The following MACROD2 variants were observed in gnomAD, a reference collection of about 807,000 sequenced individuals.
MACROD2 encodes mono-ADP ribosylhydrolase 2.
A neutral mutation model predicts 70.4 loss-of-function variants in MACROD2; 36 were observed. The ratio of observed to expected loss-of-function variants is 0.51; its 90% confidence interval spans 0.39 to 0.68. MACROD2 has a LOEUF of 0.68. Among genes scored for constraint, MACROD2 ranks in the 30% least tolerant of loss-of-function variants. The pLI is 0.00. For synonymous variants in MACROD2, 172 were observed against 178.8 expected, an observed-to-expected ratio of 0.96 and a Z score of 0.30; for missense variants, 496 against 538.4, an observed-to-expected ratio of 0.92 and a Z score of 0.78.
At chr20:14,912,800 A>C (rs2074043659) in intron 5 of MACROD2, among the ~76,000 whole-genome samples, 1 of 152,168 alleles carries the variant, frequency 6.6e-6, no homozygotes, top group Non-Finnish European at 1.5e-5. Flanking sequence ...ACAAGCTTAC[A>C]AACTTGGGTC....
At chr20:14,222,356 G>T (rs1171190097) in intron 3 of MACROD2, among the ~76,000 whole-genome samples, 1 of 152,092 alleles carries the variant, frequency 6.6e-6, no homozygotes, top group Non-Finnish European at 1.5e-5. Context: ...AGAACTAGAG[G>T]CCATTGTCTT....
intron 3 of MACROD2, among the ~76,000 whole-genome samples, chr20:14,456,713 CTTTT>C (rs10696382): frequency 9.9e-6 from 1 of 101,132 alleles, no homozygotes; most frequent in Admixed American, 1.3e-4. Flanking sequence ...GACTCAGGAT[CTTTT>C]TTTTTTTTTT....
chr20:15,418,356 C>T (rs962672815), intron 6 of MACROD2, among the ~76,000 whole-genome samples: 2 of 152,160 alleles, frequency 1.3e-5, no homozygotes, highest in Non-Finnish European at 2.9e-5. Context: ...CTCCTAACAA[C>T]TGTTCAGTTT....
chr20:14,132,595 G>A (rs778505505), intron 3 of MACROD2, among the ~76,000 whole-genome samples: 1 of 151,896 alleles, frequency 6.6e-6, no homozygotes, highest in Non-Finnish European at 1.5e-5. Context: ...AATTACTTAG[G>A]GTTCTATTTG....
intron 5 of MACROD2, among the ~76,000 whole-genome samples, chr20:14,795,748 A>G (rs1187258209): frequency 6.6e-6 from 1 of 152,078 alleles, no homozygotes. Context: ...GGATATGTTC[A>G]CTTGCAGAGA....
chr20:15,775,001 A>C (rs2051697116), intron 8 of MACROD2, among the ~76,000 whole-genome samples: 1 of 152,116 alleles, frequency 6.6e-6, no homozygotes, highest in South Asian at 2.1e-4. Flanking sequence ...TTTGTTTCTC[A>C]TAAAGGGTTG....
rs5840625 is a variant in MACROD2, at chr20:14,573,578, A to ATT, written c.301+80079_301+80080dup. Among the ~76,000 whole-genome samples, 308 of 150,610 alleles carry ATT rather than the reference A, an allele frequency of 2.0e-3. 1 individual carries two copies. The highest frequency in any genetic ancestry group is 3.8e-3 in the Non-Finnish European group (260 of 67,608). On this transcript the variant is annotated intron_variant, in intron 4 of 17. Coordinates refer to ENST00000684519, the MANE Select transcript of MACROD2 (RefSeq NM_001351661.2). ...GATTAGGCCTTAGAGAAAAGATATT[A>ATT]TTTTTTTTTTCAGATATACTTGTCA...
At chr20:14,615,112 T>TG (rs1983400245) in intron 4 of MACROD2, among the ~76,000 whole-genome samples, 1 of 152,094 alleles carries the variant, frequency 6.6e-6, no homozygotes, top group African/African-American at 2.4e-5. Flanking sequence ...ACAGGAGCTC[T>TG]GGGGCTGGGG....
intron 6 of MACROD2, among the ~76,000 whole-genome samples, chr20:15,259,836 A>C (rs544191177): frequency 1.3e-5 from 2 of 151,820 alleles, no homozygotes; most frequent in East Asian, 3.9e-4. Context: ...GGGAGCAACC[A>C]CAATTTCTGT....
chr20:16,034,515 A>T (rs887759477), intron 15 of MACROD2, among the ~76,000 whole-genome samples: 1 of 152,022 alleles, frequency 6.6e-6, no homozygotes, highest in Non-Finnish European at 1.5e-5. Context: ...GCCTTCTTCC[A>T]TCCGAGCTTG....
chr20:15,894,516 G>C (rs532451757), intron 10 of MACROD2, among the ~76,000 whole-genome samples: 1 of 152,296 alleles, frequency 6.6e-6, no homozygotes, highest in African/African-American at 2.4e-5. Context: ...TCTGTAGGCA[G>C]GTGGGTCTGA....
chr20:14,789,735 C>T (rs1182905648), intron 5 of MACROD2, among the ~76,000 whole-genome samples: 1 of 151,778 alleles, frequency 6.6e-6, no homozygotes, highest in Admixed American at 6.6e-5. Flanking sequence ...GTTGGCCTCC[C>T]AAAGTGCTGG....
At chr20:14,947,094 T>A (rs913876797) in intron 5 of MACROD2, among the ~76,000 whole-genome samples, 2 of 152,132 alleles carry the variant, frequency 1.3e-5, no homozygotes, top group Admixed American at 1.3e-4. Flanking sequence ...AAATATCCCT[T>A]TGTGCTTCTC....
chr20:15,463,542 G>A (rs1459428307), intron 7 of MACROD2, among the ~76,000 whole-genome samples: 3 of 152,132 alleles, frequency 2.0e-5, no homozygotes, highest in African/African-American at 7.2e-5. Flanking sequence ...TTGAGGTCGG[G>A]AGTTCAAGAC....
At chr20:15,269,350 C>A (rs2077325603) in intron 6 of MACROD2, among the ~76,000 whole-genome samples, 1 of 152,214 alleles carries the variant, frequency 6.6e-6, no homozygotes, top group East Asian at 1.9e-4. Flanking sequence ...GACCTTGTAT[C>A]ATCCTCTCTT....
intron 8 of MACROD2, among the ~76,000 whole-genome samples, 186 bp downstream of exon 8, chr20:15,500,033 C>T (rs1191673146): frequency 6.6e-6 from 1 of 152,170 alleles, no homozygotes; most frequent in Non-Finnish European, 1.5e-5. Context: ...TAGAATGCAG[C>T]AACTCTATTG....
intron 5 of MACROD2, among the ~76,000 whole-genome samples, chr20:14,764,197 A>C (rs1011096949): frequency 6.6e-6 from 1 of 152,074 alleles, no homozygotes; most frequent in Non-Finnish European, 1.5e-5. Context: ...CCTTCCCCAC[A>C]TTGGGTCCCA....
intron 8 of MACROD2, among the ~76,000 whole-genome samples, chr20:15,789,637 A>G (rs1295696559): frequency 6.6e-6 from 1 of 152,084 alleles, no homozygotes; most frequent in East Asian, 1.9e-4. Flanking sequence ...AATGAAAAGG[A>G]GGTGGCAAAT....
At chr20:14,003,903 G>A (rs1419772612) in intron 2 of MACROD2, among the ~76,000 whole-genome samples, 2 of 152,148 alleles carry the variant, frequency 1.3e-5, no homozygotes, top group East Asian at 3.9e-4. Context: ...CTAAGGCTAT[G>A]TGCCTCTTCA....
Sources: allele counts gnomAD v4.1 joint callset (sites outside exome capture counted in the v4.1 genomes callset), GRCh38; gene constraint gnomAD v4.1.1; transcripts MANE v1.5; gene names NCBI Gene and HGNC (gene_info 2026-07-23, HGNC 2026-07-21).